The following CDH13 variants were observed in gnomAD, a reference collection of about 807,000 sequenced individuals.
CDH13 encodes the protein cadherin-13.
CDH13 carries 24 observed loss-of-function variants against 63.8 expected under a neutral mutation model. The observed-to-expected ratio is 0.38, with a 90% CI of 0.27 to 0.53. The LOEUF is 0.53. Among genes scored for constraint, CDH13 ranks in the 20% least tolerant of loss-of-function variants. The probability of loss-of-function intolerance (pLI) is 0.85; values close to 1 mark genes in which losing one functional copy is unlikely to be tolerated. For missense variants in CDH13, 1,049 were observed against 903.1 expected, an observed-to-expected ratio of 1.16 and a Z score of -2.07; for synonymous variants, 503 against 355.3, an observed-to-expected ratio of 1.42 and a Z score of -4.67.
intron 10 of CDH13, among the ~76,000 whole-genome samples, chr16:83,697,333 G>A (rs150514810): frequency 5.9e-5 from 9 of 152,252 alleles, no homozygotes; most frequent in East Asian, 1.9e-4. Flanking sequence ...GTTTAGTGCC[G>A]TGATTTTTAT....
intron 2 of CDH13, among the ~76,000 whole-genome samples, chr16:82,896,215 C>A (rs939302222): frequency 1.4e-5 from 2 of 148,128 alleles, no homozygotes. Context: ...GCACTTCTTA[C>A]AACACTGCCA....
intron 5 of CDH13, among the ~76,000 whole-genome samples, chr16:83,301,051 A>G (rs1393229819): frequency 2.3e-4 from 1 of 4,416 alleles, no homozygotes; most frequent in Admixed American, 1.6e-3. Context: ...TTTTTTTTTG[A>G]GACAGAGCCT....
intron 1 of CDH13, among the ~76,000 whole-genome samples, chr16:82,779,918 C>T (rs1228064320): frequency 6.6e-6 from 1 of 152,128 alleles, no homozygotes; most frequent in Non-Finnish European, 1.5e-5. Context: ...CCCAAGAAGT[C>T]AAATACATCT....
chr16:82,811,779 G>T (rs560259998), intron 1 of CDH13, among the ~76,000 whole-genome samples: 1 of 152,270 alleles, frequency 6.6e-6, no homozygotes, highest in African/African-American at 2.4e-5. Context: ...AATTGGGTAT[G>T]TATAGACATT....
intron 1 of CDH13, among the ~76,000 whole-genome samples, chr16:82,705,632 A>C (rs1454175163): frequency 6.6e-6 from 1 of 152,074 alleles, no homozygotes; most frequent in Non-Finnish European, 1.5e-5. Flanking sequence ...ACATTTCACC[A>C]CACACGCCTG....
At chr16:83,664,897 G>C (rs1387941381) in intron 8 of CDH13, among the ~76,000 whole-genome samples, 1 of 152,132 alleles carries the variant, frequency 6.6e-6, no homozygotes, top group Non-Finnish European at 1.5e-5. Context: ...CAAAGAAAGG[G>C]GACACCCAGA....
intron 10 of CDH13, among the ~76,000 whole-genome samples, chr16:83,694,405 G>T (rs1422092435): frequency 6.6e-6 from 1 of 152,170 alleles, no homozygotes; most frequent in Non-Finnish European, 1.5e-5. Context: ...CAAAAGAGGG[G>T]TTGGGATGCT....
At chr16:82,817,720 A>G (rs928788707) in intron 1 of CDH13, among the ~76,000 whole-genome samples, 19 of 152,070 alleles carry the variant, frequency 1.2e-4, no homozygotes, top group African/African-American at 4.3e-4. Flanking sequence ...TGGGAGAATC[A>G]CTTGAACTCA....
At chr16:82,809,327 C>G (rs976624050) in intron 1 of CDH13, among the ~76,000 whole-genome samples, 2 of 145,808 alleles carry the variant, frequency 1.4e-5, no homozygotes, top group African/African-American at 5.1e-5. Flanking sequence ...AAAAAAAAAT[C>G]ACTGTAAATG....
At chr16:83,292,922 A>G (rs777934929) in intron 5 of CDH13, among the ~76,000 whole-genome samples, 3 of 152,220 alleles carry the variant, frequency 2.0e-5, no homozygotes, top group Non-Finnish European at 2.9e-5. Context: ...TACAATATCT[A>G]TTGGGTAATT....
chr16:83,381,715 A>G lies in CDH13; in HGVS notation c.781+36709A>G, dbSNP rs180798707. ...ACCAAAGCTGCACATGCCTGAAATT[A>G]GGGATTAAAAAAAAAAAAGTACCAA... On this transcript the variant is annotated intron_variant, in intron 6 of 13. Coordinates refer to ENST00000567109, the MANE Select transcript of CDH13 (RefSeq NM_001257.5). 2.2e-4 allele frequency among the ~76,000 whole-genome samples: 33 copies of G among 151,966 alleles called. No homozygotes were observed. The East Asian group carries it at 5.2e-3, about 24-fold the overall frequency.
rs113847232 is a variant in CDH13 at position 83,634,672 on chromosome 16, A to C, written c.1101+32078A>C. 1.1e-3 allele frequency among the ~76,000 whole-genome samples: 173 copies of C among 152,226 alleles called. 1 individual carries two copies. The highest frequency in any genetic ancestry group is 4.1e-3 in the African/African-American group (171 of 41,540). On this transcript the variant is annotated intron_variant, in intron 8 of 13. Transcript: ENST00000567109. ...TGCCTCGGCCTCCCAAAGTGCTGGGATTACAGGTGTGAGCTACCACACCTG... is the reference window on the plus strand; with the variant it reads ...TGCCTCGGCCTCCCAAAGTGCTGGGCTTACAGGTGTGAGCTACCACACCTG...
chr16:82,786,754 G>C (rs922917191), intron 1 of CDH13, among the ~76,000 whole-genome samples: 43 of 150,456 alleles, frequency 2.9e-4, no homozygotes, highest in African/African-American at 1.0e-3. Context: ...AACATGCGGT[G>C]TTTGGTTTTC....
chr16:83,185,545 C>A (rs2038491871), intron 4 of CDH13, among the ~76,000 whole-genome samples: 1 of 152,148 alleles, frequency 6.6e-6, no homozygotes, highest in Non-Finnish European at 1.5e-5. Context: ...TAATTTCTCA[C>A]CACGGTAAGT....
intron 4 of CDH13, among the ~76,000 whole-genome samples, chr16:83,155,026 GA>G (rs1211401599): frequency 6.6e-6 from 1 of 152,122 alleles, no homozygotes; most frequent in Non-Finnish European, 1.5e-5. Context: ...TTCTCATTTG[GA>G]AAATAAGATG....
At chr16:83,417,366 A>T (rs1326010239) in intron 6 of CDH13, among the ~76,000 whole-genome samples, 1 of 152,120 alleles carries the variant, frequency 6.6e-6, no homozygotes, top group Non-Finnish European at 1.5e-5. Context: ...GAATTAGCAA[A>T]TGCTGCACCC....
intron 5 of CDH13, among the ~76,000 whole-genome samples, chr16:83,271,402 G>C (rs762138320): frequency 1.2e-5 from 1 of 85,776 alleles, no homozygotes; most frequent in Non-Finnish European, 2.1e-5. Context: ...CAGCTCTACC[G>C]CACATTGAGG....
chr16:82,795,402 C>G (rs188359168), intron 1 of CDH13, among the ~76,000 whole-genome samples: 94 of 152,286 alleles, frequency 6.2e-4, no homozygotes, highest in Non-Finnish European at 1.0e-3. Flanking sequence ...AAAAGGCAGT[C>G]AGCCAATGCA....
At chr16:83,745,106 G>T (rs1836307733) in intron 10 of CDH13, among the ~76,000 whole-genome samples, 1 of 152,198 alleles carries the variant, frequency 6.6e-6, no homozygotes, top group African/African-American at 2.4e-5. Context: ...AGGCATAGAT[G>T]CTGGAAGCTC....
Sources: allele counts gnomAD v4.1 joint callset (sites outside exome capture counted in the v4.1 genomes callset), GRCh38; gene constraint gnomAD v4.1.1; transcripts MANE v1.5; gene names NCBI Gene and HGNC (gene_info 2026-07-23, HGNC 2026-07-21).